FLACC1: variants seen among roughly 807,000 people sequenced by gnomAD.
FLACC1 encodes the protein flagellum-associated coiled-coil domain-containing protein 1.
FLACC1 carries 66 observed loss-of-function variants against 62.8 expected under a neutral mutation model. The observed-to-expected ratio is 1.05, with a 90% CI of 0.86 to 1.29. The LOEUF is 1.29. Ranked by LOEUF, FLACC1 falls within the 50% of genes most tolerant of loss-of-function variation. The pLI is 0.00. For synonymous variants in FLACC1, 156 were observed against 161.0 expected, an observed-to-expected ratio of 0.97 and a Z score of 0.24; for missense variants, 452 against 489.1, an observed-to-expected ratio of 0.92 and a Z score of 0.71.
chr2:201,353,678 C>T (rs1027609229), intron 1 of FLACC1, among the ~76,000 whole-genome samples: 6 of 152,156 alleles, frequency 3.9e-5, no homozygotes, highest in Non-Finnish European at 8.8e-5. Flanking sequence ...ACGTCTGCTT[C>T]CTGGGTTCAA....
chr2:201,342,275 G>C lies in FLACC1; in HGVS notation c.524+95C>G, dbSNP rs572547738. Reference sequence around the variant, plus strand: ...ACCCTTCATCCCCCAACTCCATTTAGAACTATTTGAAGTCCCAGTGAACTA... The same window carrying C: ...ACCCTTCATCCCCCAACTCCATTTACAACTATTTGAAGTCCCAGTGAACTA... On this transcript the variant is annotated intron_variant, in intron 7 of 14. Transcript: ENST00000392257. The C allele has an allele frequency of 9.5e-6, 12 of 1,256,752 alleles. No individual in the cohort carries two copies. The Admixed American group carries it at 1.5e-4, about 16-fold the overall frequency. 77.9% of individuals were successfully genotyped at this position (1,256,752 alleles called of 1,614,324 possible).
chr2:201,349,601 T>C (rs562679617), intron 3 of FLACC1, among the ~76,000 whole-genome samples: 1 of 152,310 alleles, frequency 6.6e-6, no homozygotes, highest in African/African-American at 2.4e-5. Context: ...AATAAATATT[T>C]TCCAAAAAAA....
chr2:201,330,913 C>A, intron 7 of FLACC1, 80 bp from the exon 8 acceptor site: 1 of 1,023,908 alleles, frequency 9.8e-7, no homozygotes, highest in Non-Finnish European at 1.4e-6. Context: ...CTGATCCTAC[C>A]CTCCACCCTC....
chr2:201,296,742 A>C (rs1949873688), intron 12 of FLACC1, among the ~76,000 whole-genome samples: 1 of 152,194 alleles, frequency 6.6e-6, no homozygotes, highest in South Asian at 2.1e-4. Context: ...GTAAGGATAG[A>C]GGGCCATGGT....
chr2:201,325,922 C>A (rs1368553338), intron 9 of FLACC1, among the ~76,000 whole-genome samples: 1 of 152,110 alleles, frequency 6.6e-6, no homozygotes, highest in Non-Finnish European at 1.5e-5. Flanking sequence ...ATGCAAAAAT[C>A]CTCAACAAAA....
At position 201,348,243 on chromosome 2, in the gene FLACC1, C is replaced by A. The variant is rs1262894714; in HGVS notation, c.234+11G>T. 1.2e-6 allele frequency: 2 copies of A among 1,612,576 alleles called. No individual in the cohort carries two copies. The highest frequency in any genetic ancestry group is 4.5e-5 in the East Asian group (2 of 44,818). The stretch of plus-strand genomic sequence containing the variant: ...ATTTTAGTCCCACCGCCCTCTCCTG[C>A]CTTTACTCACATAAAATGATTTATT... On this transcript the variant is annotated intron_variant, in intron 4 of 14. Coordinates refer to ENST00000392257, the MANE Select transcript of FLACC1 (RefSeq NM_001127391.3).
intron 11 of FLACC1, among the ~76,000 whole-genome samples, chr2:201,300,762 C>T (rs1949964153): frequency 6.6e-6 from 1 of 152,182 alleles, no homozygotes; most frequent in Non-Finnish European, 1.5e-5. Flanking sequence ...ATTTGCTGTT[C>T]TGCAGTATCT....
chr2:201,313,651 A>T (rs921376612), intron 9 of FLACC1, among the ~76,000 whole-genome samples: 1 of 152,144 alleles, frequency 6.6e-6, no homozygotes, highest in African/African-American at 2.4e-5. Flanking sequence ...GACAAAGGGC[A>T]TATACTCTTG....
At chr2:201,322,749 T>C (rs1950429450) in intron 9 of FLACC1, among the ~76,000 whole-genome samples, 1 of 152,118 alleles carries the variant, frequency 6.6e-6, no homozygotes, top group Non-Finnish European at 1.5e-5. Context: ...GGACGAACTC[T>C]TTAAAATACC....
chr2:201,347,357 G>T (rs1950936532), intron 4 of FLACC1, among the ~76,000 whole-genome samples: 1 of 152,132 alleles, frequency 6.6e-6, no homozygotes, highest in Non-Finnish European at 1.5e-5. Context: ...CCACACCCCT[G>T]CCTGACGGCC....
chr2:201,318,832 G>A (rs1373494735), intron 9 of FLACC1, among the ~76,000 whole-genome samples: 1 of 152,208 alleles, frequency 6.6e-6, no homozygotes, highest in Non-Finnish European at 1.5e-5. Context: ...TCTAAGTGAA[G>A]TAACTCAGGA....
At chr2:201,307,681 A>G in intron 10 of FLACC1, 59 bp from the exon 11 acceptor site, 1 of 1,190,298 alleles carries the variant, frequency 8.4e-7, no homozygotes, top group Non-Finnish European at 1.3e-6. Context: ...AGGTGCAATG[A>G]GAAACCCAGA....
intron 12 of FLACC1, among the ~76,000 whole-genome samples, chr2:201,290,565 G>A (rs577424503): frequency 1.3e-4 from 20 of 152,254 alleles, no homozygotes; most frequent in East Asian, 3.9e-4. Flanking sequence ...CAAGACAGCC[G>A]AATAGGAACA....
upstream of FLACC1, among the ~76,000 whole-genome samples, chr2:201,358,478 G>A (rs1384181625): frequency 1.4e-5 from 2 of 147,228 alleles, no homozygotes; most frequent in South Asian, 2.1e-4. Context: ...GTGCAGTGGC[G>A]GGATCTCGGC....
chr2:201,294,585 G>T (rs1321866730), intron 12 of FLACC1, among the ~76,000 whole-genome samples: 14 of 152,138 alleles, frequency 9.2e-5, no homozygotes, highest in Admixed American at 6.5e-4. Flanking sequence ...GGCAAAAACT[G>T]GAAGCATTCC....
At chr2:201,359,300 G>A (rs1951164391), upstream of FLACC1, among the ~76,000 whole-genome samples, 1 of 152,210 alleles carries the variant, frequency 6.6e-6, no homozygotes, top group African/African-American at 2.4e-5. Flanking sequence ...ATGTTGAGGT[G>A]CAGGGAGACT....
At chr2:201,299,889 A>G (rs1430226375) in intron 11 of FLACC1, among the ~76,000 whole-genome samples, 1 of 152,214 alleles carries the variant, frequency 6.6e-6, no homozygotes, top group Non-Finnish European at 1.5e-5. Context: ...TCACATTTCT[A>G]TGAAGAACTA....
intron 1 of FLACC1, among the ~76,000 whole-genome samples, chr2:201,356,737 CAGAT>C (rs1951125272): frequency 1.3e-5 from 2 of 152,282 alleles, no homozygotes; most frequent in South Asian, 2.1e-4. Context: ...CATGTCATCA[CAGAT>C]AGATCTGCAT....
At position 201,288,585 on chromosome 2, in the gene FLACC1, T is replaced by C; in HGVS notation, c.*70A>G. The C allele has an allele frequency of 6.4e-7, 1 of 1,564,710 alleles. No homozygotes were observed. Among genetic ancestry groups the C allele is most frequent in the Non-Finnish European group, 8.7e-7 (1 of 1,150,812 alleles). On this transcript the variant is annotated 3_prime_UTR_variant, in exon 15 of 15. Coordinates refer to ENST00000392257, the MANE Select transcript of FLACC1 (RefSeq NM_001127391.3). The stretch of plus-strand genomic sequence containing the variant: ...TATATGCATTTTCTCAAGAAAACCC[T>C]CCCAGGAGTTTCCTGGGCCTACAGA...
Sources: gnomAD v4.1 joint callset for allele counts (sites outside exome capture counted in the v4.1 genomes callset) on GRCh38, gnomAD v4.1.1 for gene constraint, MANE v1.5 for transcripts, NCBI Gene and HGNC (gene_info 2026-07-23, HGNC 2026-07-21) for gene names.